Variants in ARHGEF1 observed in about 807,000 individuals in gnomAD.
ARHGEF1 encodes the protein 115 kDa guanine nucleotide exchange factor.
Under a neutral mutation model 119.7 loss-of-function variants are expected in ARHGEF1, and 40 were observed. That is an observed-to-expected ratio of 0.33 (90% CI 0.26 to 0.44). The LOEUF (loss-of-function observed/expected upper bound fraction) is 0.44, where lower values mean the gene tolerates loss of function less well. ARHGEF1 is among the 20% of genes least tolerant of loss of function. The pLI is 1.00. For synonymous variants in ARHGEF1, 494 were observed against 521.0 expected, an observed-to-expected ratio of 0.95 and a Z score of 0.71; for missense variants, 976 against 1,268.3, an observed-to-expected ratio of 0.77 and a Z score of 3.50.
At chr19:41,921,641 G>A (rs1259135442), upstream of ARHGEF1, among the ~76,000 whole-genome samples, 1 of 152,128 alleles carries the variant, frequency 6.6e-6, no homozygotes, top group African/African-American at 2.4e-5. The surrounding 1 kb of genome is among the most constrained non-coding windows in gnomAD (Gnocchi z 4.4). Flanking sequence ...CCTGGGTTGG[G>A]AGGAAGGAGA....
Position 41,906,887 on chromosome 19 carries a change from C to T in ARHGEF1, c.*17+84C>T. The stretch of plus-strand genomic sequence containing the variant: ...CTCGCATCCCTACAGCCCCTTCTGT[C>T]CATCTCCCTCTTTGTCTTTTCTGAA... On this transcript the variant is annotated intron_variant, in intron 28 of 28. Coordinates refer to ENST00000354532, the MANE Select transcript of ARHGEF1 (RefSeq NM_004706.4). The surrounding 1 kb of genome is among the most constrained non-coding windows in gnomAD (Gnocchi z 4.5). 1.8e-6 allele frequency: 2 copies of T among 1,109,590 alleles called. No individual in the cohort carries two copies. Among genetic ancestry groups the T allele is most frequent in the Non-Finnish European group, 2.5e-6 (2 of 784,878 alleles). 68.7% of individuals were successfully genotyped at this position (1,109,590 alleles called of 1,614,324 possible).
At chr19:41,919,745 CA>C (rs1478824766), upstream of ARHGEF1, among the ~76,000 whole-genome samples, 1 of 152,052 alleles carries the variant, frequency 6.6e-6, no homozygotes, top group Non-Finnish European at 1.5e-5. Context: ...TTGGTCCTTC[CA>C]CCCTGTTTCT....
chr19:41,897,949 A>G (rs2074539854), intron 13 of ARHGEF1: 8 of 1,304,726 alleles, frequency 6.1e-6, no homozygotes, highest in South Asian at 2.4e-5. Context: ...GGTCCAGGCT[A>G]TCAGGGCGTC....
chr19:41,920,009 TCA>T (rs782277743), upstream of ARHGEF1, among the ~76,000 whole-genome samples: 16 of 114,290 alleles, frequency 1.4e-4, no homozygotes, highest in Non-Finnish European at 1.7e-4. Context: ...CATGACGAAC[TCA>T]CAGACATGAC....
intron 1 of ARHGEF1, among the ~76,000 whole-genome samples, chr19:41,886,295 G>A (rs1240616146): frequency 1.3e-5 from 2 of 152,158 alleles, no homozygotes; most frequent in Admixed American, 1.3e-4. Context: ...TAAGGAATAA[G>A]GAGATAAGAA....
rs2074640174 is a variant in ARHGEF1, at chr19:41,903,594, C to T, written c.1840-113C>T. The T allele has an allele frequency of 4.0e-6, 5 of 1,249,006 alleles. No homozygotes were observed. The East Asian group carries it at 9.9e-5, about 25-fold the overall frequency. The allele number at this position is 1,249,006 out of a possible 1,614,324, so 77.4% of individuals were successfully genotyped here. On this transcript the variant is annotated intron_variant, in intron 19 of 28. Transcript: ENST00000354532. The surrounding 1 kb of genome is among the most constrained non-coding windows in gnomAD (Gnocchi z 4.2). ...GGGTCATTGGAGGTCAGGCCCAACC[C>T]TCAGCTTGCCCGCATCAGAAGTTGG...
chr19:41,909,138 G>T, downstream of ARHGEF1: 1 of 1,231,934 alleles, frequency 8.1e-7, no homozygotes, highest in Non-Finnish European at 1.0e-6. The surrounding 1 kb of genome is among the most constrained non-coding windows in gnomAD (Gnocchi z 5.2). Flanking sequence ...CGGGCCCCTG[G>T]CTCTCCCAGG....
At chr19:41,898,198 G>A (rs1307415114) in intron 13 of ARHGEF1, 1 of 1,409,118 alleles carries the variant, frequency 7.1e-7, no homozygotes, top group Non-Finnish European at 9.3e-7. Flanking sequence ...CAGAGGAATG[G>A]GCGTTGGAGA....
At chr19:41,929,266 A>G (rs1488080805) in intron 2 of ARHGEF1, among the ~76,000 whole-genome samples, 1 of 151,576 alleles carries the variant, frequency 6.6e-6, no homozygotes, top group African/African-American at 2.4e-5. Flanking sequence ...ACACAGCCAC[A>G]CTCCACTCCC....
chr19:41,903,001 C>T lies in ARHGEF1; in HGVS notation c.1738+103C>T. The T allele has an allele frequency of 1.0e-6, 1 of 979,456 alleles. No individual in the cohort carries two copies. The highest frequency in any genetic ancestry group is 1.8e-5 in the South Asian group (1 of 57,140). The allele number at this position is 979,456 out of a possible 1,614,324, so 60.7% of individuals were successfully genotyped here. A position where few individuals can be genotyped will look rare whatever the true frequency, so the allele number is the denominator to read the frequency against. On this transcript the variant is annotated intron_variant, in intron 18 of 28. Coordinates refer to ENST00000354532, the MANE Select transcript of ARHGEF1 (RefSeq NM_004706.4). This position sits in a 1 kb window ranked among gnomAD's most constrained non-coding sequence, Gnocchi z 4.2. ...TGATACCATCACAGCTCACTGCAGC[C>T]TCAACCTCCCAGGATCTACCATCCT...
Position 41,889,272 on chromosome 19 carries a change from G to A in ARHGEF1, c.225+407G>A, listed in dbSNP as rs1411693909. 6.0e-6 allele frequency: 1 copy of A among 166,616 alleles called. No individual in the cohort carries two copies. Among genetic ancestry groups the A allele is most frequent in the Non-Finnish European group, 1.3e-5 (1 of 76,322 alleles). The allele number at this position is 166,616 out of a possible 1,614,324, so 10.3% of individuals were successfully genotyped here. The stretch of plus-strand genomic sequence containing the variant: ...CCTTTTTGGCAGATGCCAGCACGCA[G>A]TCATTCACGGTTGATGGTTGGGAAA... On this transcript the variant is annotated intron_variant, in intron 4 of 28. Coordinates refer to ENST00000354532, the MANE Select transcript of ARHGEF1 (RefSeq NM_004706.4). This position sits in a 1 kb window ranked among gnomAD's most constrained non-coding sequence, Gnocchi z 4.0.
intron 1 of ARHGEF1, among the ~76,000 whole-genome samples, chr19:41,887,639 C>A (rs2074313396): frequency 6.6e-6 from 1 of 152,074 alleles, no homozygotes; most frequent in African/African-American, 2.4e-5. Context: ...AGAGGAGACC[C>A]CTGCACCCCA....
rs2074326842 is a variant in ARHGEF1, at chr19:41,888,378, G to C, written c.111+100G>C. 8.2e-7 allele frequency: 1 copy of C among 1,224,430 alleles called. No individual in the cohort carries two copies. Among genetic ancestry groups the C allele is most frequent in the Non-Finnish European group, 1.2e-6 (1 of 858,476 alleles). 75.8% of individuals were successfully genotyped at this position (1,224,430 alleles called of 1,614,324 possible). On this transcript the variant is annotated intron_variant, in intron 3 of 28. Transcript: ENST00000354532. The surrounding 1 kb of genome is among the most constrained non-coding windows in gnomAD (Gnocchi z 5.1). Reference sequence around the variant, plus strand: ...TGCTGTCTTCTTGGCCTTTTCCCACGGTCTGTCTCATCCTCTCATCTCCCT... The same window carrying C: ...TGCTGTCTTCTTGGCCTTTTCCCACCGTCTGTCTCATCCTCTCATCTCCCT...
chr19:41,887,895 C>T (rs1034122802), intron 1 of ARHGEF1, among the ~76,000 whole-genome samples, 169 bp from the exon 2 acceptor site: 1 of 152,252 alleles, frequency 6.6e-6, no homozygotes, highest in East Asian at 1.9e-4. Flanking sequence ...CGCCCCCTGG[C>T]GGGTCTCTGA....
At chr19:41,926,332 T>C (rs1445457297) in intron 1 of ARHGEF1, among the ~76,000 whole-genome samples, 1 of 151,624 alleles carries the variant, frequency 6.6e-6, no homozygotes, top group African/African-American at 2.4e-5. Flanking sequence ...AGGGAACAGG[T>C]ATGGAGGACA....
At chr19:41,929,156 CAT>C (rs2074890683) in intron 2 of ARHGEF1, among the ~76,000 whole-genome samples, 1 of 152,074 alleles carries the variant, frequency 6.6e-6, no homozygotes, top group Non-Finnish European at 1.5e-5. Context: ...CACAGAGAAA[CAT>C]ATGCACAAAC....
Position 41,904,469 on chromosome 19 carries a change from A to G in ARHGEF1, c.2161+86A>G. ...TGGAGTGGGGAGCAGAACCCTCTAG[A>G]GAGCCAGGGAGCCAGCATTCTAGCA... On this transcript the variant is annotated intron_variant, in intron 22 of 28. Transcript: ENST00000354532. This position sits in a 1 kb window ranked among gnomAD's most constrained non-coding sequence, Gnocchi z 8.4. 7.1e-7 allele frequency: 1 copy of G among 1,405,950 alleles called. No homozygotes were observed. Among genetic ancestry groups the G allele is most frequent in the Non-Finnish European group, 9.4e-7 (1 of 1,064,560 alleles). The allele number at this position is 1,405,950 out of a possible 1,614,324, so 87.1% of individuals were successfully genotyped here.
At chr19:41,912,928 C>G (rs1463141684) in intron 18 of ARHGEF1, 1 of 1,230,202 alleles carries the variant, frequency 8.1e-7, no homozygotes, top group Non-Finnish European at 1.0e-6. Flanking sequence ...ATGGCGGAGC[C>G]GGCCCTGCAG....
chr19:41,886,411 A>AC (rs1245374469), intron 1 of ARHGEF1, among the ~76,000 whole-genome samples: 1 of 151,924 alleles, frequency 6.6e-6, no homozygotes, highest in Non-Finnish European at 1.5e-5. Flanking sequence ...GAGCGTTTCT[A>AC]CCTCTGAGTG....
Sources: gnomAD v4.1 joint callset for allele counts (sites outside exome capture counted in the v4.1 genomes callset) on GRCh38, gnomAD v4.1.1 for gene constraint, Gnocchi (gnomAD v3.1) non-coding constraint, MANE v1.5 for transcripts, NCBI Gene and HGNC (gene_info 2026-07-23, HGNC 2026-07-21) for gene names.